SCARB1: variants seen among roughly 807,000 people sequenced by gnomAD.
SCARB1 encodes the protein CD36 and LIMPII analogous 1.
A neutral mutation model predicts 57.2 loss-of-function variants in SCARB1; 30 were observed. That is an observed-to-expected ratio of 0.52 (90% CI 0.39 to 0.71). The LOEUF is 0.71. Ranked by LOEUF, SCARB1 falls within the 30% of genes least tolerant of loss-of-function variation. The probability of loss-of-function intolerance (pLI) is 0.00; values close to 1 mark genes in which losing one functional copy is unlikely to be tolerated. For missense variants in SCARB1, 543 were observed against 671.2 expected (o/e 0.81, Z 2.11); for synonymous variants, 249 against 268.3 (o/e 0.93, Z 0.70).
chr12:124,810,257 C>A lies in SCARB1; in HGVS notation c.759G>T (p.Met253Ile). 2 of 1,614,056 alleles carry A rather than the reference C, an allele frequency of 1.2e-6. No homozygotes were observed. The highest frequency in any genetic ancestry group is 2.2e-5 in the South Asian group (2 of 91,060). ...ACATTTGCCCAGAAGTTCCATTGAT[C>A]ATGTTGCACTGATCGGAATGCCAGA... ...VDFWHSDQCN[M>I]INGTSGQMWP... Residue 253 changes from methionine to isoleucine, a missense_variant, in exon 6 of 13, where the codon ATG becomes ATT. Physicochemically the swap from Met to Ile is conservative, Grantham distance 10. Coordinates refer to ENST00000261693, the MANE Select transcript of SCARB1 (RefSeq NM_005505.5). The surrounding 1 kb of genome is among the most constrained non-coding windows in gnomAD (Gnocchi z 4.0).
chr12:124,808,001 C>A, intron 6 of SCARB1, 74 bp from the exon 7 acceptor site: 1 of 1,464,006 alleles, frequency 6.8e-7, no homozygotes, highest in South Asian at 1.1e-5. Context: ...AAAGGCTGCC[C>A]AGATCCAGCC....
At position 124,778,127 on chromosome 12, in the gene SCARB1, A is replaced by G; in HGVS notation, c.*460T>C. The G allele has an allele frequency of 4.2e-6, 1 of 235,362 alleles. No homozygotes were observed. 14.6% of individuals were successfully genotyped at this position (235,362 alleles called of 1,614,324 possible). ...ACTGAGTCCCCACTGAATTTGGCAC[A>G]GGAAGGCGGCACTCCCAGCCTGGCC... On this transcript the variant is annotated 3_prime_UTR_variant, in exon 13 of 13. Coordinates refer to ENST00000261693, the MANE Select transcript of SCARB1 (RefSeq NM_005505.5).
intron 1 of SCARB1, among the ~76,000 whole-genome samples, chr12:124,824,861 G>T (rs912751898): frequency 3.3e-5 from 5 of 152,230 alleles, no homozygotes; most frequent in African/African-American, 1.2e-4. Context: ...TTCCCAGCAT[G>T]ATGCAACTTA....
chr12:124,844,140 G>A (rs1021005345), intron 1 of SCARB1, among the ~76,000 whole-genome samples: 19 of 152,138 alleles, frequency 1.2e-4, no homozygotes, highest in South Asian at 6.2e-4. Flanking sequence ...AGGTACCCCC[G>A]TCGCTAAGGG....
At chr12:124,859,335 G>A (rs994011931) in intron 1 of SCARB1, among the ~76,000 whole-genome samples, 4 of 152,080 alleles carry the variant, frequency 2.6e-5, no homozygotes, top group South Asian at 2.1e-4. Context: ...AGACCATCCC[G>A]GCTAACACGG....
At chr12:124,782,494 A>G (rs1338759928) in intron 12 of SCARB1, among the ~76,000 whole-genome samples, 189 bp downstream of exon 12, 1 of 152,226 alleles carries the variant, frequency 6.6e-6, no homozygotes, top group Non-Finnish European at 1.5e-5. Context: ...AAAAACTGCT[A>G]TTCACTCAGA....
At chr12:124,860,798 C>T (rs1399443487) in intron 1 of SCARB1, among the ~76,000 whole-genome samples, 4 of 152,156 alleles carry the variant, frequency 2.6e-5, no homozygotes, top group African/African-American at 9.7e-5. Context: ...TATAACCATT[C>T]AAAGGAATAC....
chr12:124,803,706 AAAAAAAAAAT>A (rs1451864184), intron 7 of SCARB1, among the ~76,000 whole-genome samples: 6 of 147,308 alleles, frequency 4.1e-5, no homozygotes, highest in Non-Finnish European at 7.5e-5. Flanking sequence ...AAAAAAAAAA[AAAAAAAAAAT>A]TGAAATAAGA....
chr12:124,805,633 C>T (rs1284710094), intron 7 of SCARB1, among the ~76,000 whole-genome samples: 2 of 151,862 alleles, frequency 1.3e-5, no homozygotes, highest in African/African-American at 4.8e-5. Flanking sequence ...GATCACAGCT[C>T]ACTGCAGCCT....
In SCARB1 at chr12:124,812,560, C is replaced by G. The variant is rs1339813322; in HGVS notation, c.631-595G>C. 6.6e-6 allele frequency among the ~76,000 whole-genome samples: 1 copy of G among 152,242 alleles called. No individual in the cohort carries two copies. Among genetic ancestry groups the G allele is most frequent in the Non-Finnish European group, 1.5e-5 (1 of 68,048 alleles). ...GGGCTGCTTGTCACAGCAGCAAAAC[C>G]TGGCCTGTCCTAACCCATCGAGGTT... is the stretch of plus-strand genomic sequence containing the variant. On this transcript the variant is annotated intron_variant, in intron 4 of 12. Coordinates refer to ENST00000261693, the MANE Select transcript of SCARB1 (RefSeq NM_005505.5). The surrounding 1 kb of genome is among the most constrained non-coding windows in gnomAD (Gnocchi z 4.3).
chr12:124,817,341 A>G lies in SCARB1; in HGVS notation c.284+209T>C, dbSNP rs1950775740. Among the ~76,000 whole-genome samples the G allele has an allele frequency of 7.0e-6, 1 of 142,834 alleles. No individual in the cohort carries two copies. Among genetic ancestry groups the G allele is most frequent in the Non-Finnish European group, 1.5e-5 (1 of 66,260 alleles). 93.7% of individuals were successfully genotyped at this position (142,834 alleles called of 152,430 possible). ...CAAAACCAGCCTGGGCAACATAGCAAGATCCCATCTCTAAAAAAAAAAAAA... is the reference window on the plus strand; with the variant it reads ...CAAAACCAGCCTGGGCAACATAGCAGGATCCCATCTCTAAAAAAAAAAAAA... On this transcript the variant is annotated intron_variant, in intron 2 of 12. Transcript: ENST00000261693. The surrounding 1 kb of genome is among the most constrained non-coding windows in gnomAD (Gnocchi z 4.8).
chr12:124,810,430 G>A lies in SCARB1; in HGVS notation c.727-141C>T. The A allele has an allele frequency of 2.9e-6, 2 of 681,024 alleles. No individual in the cohort carries two copies. Among genetic ancestry groups the A allele is most frequent in the Non-Finnish European group, 5.4e-6 (2 of 372,858 alleles). The allele number at this position is 681,024 out of a possible 1,614,324, so 42.2% of individuals were successfully genotyped here. A position where few individuals can be genotyped will look rare whatever the true frequency, so the allele number is the denominator to read the frequency against. ...TACTGGCACGGTGGGAAGAGGGCAGGCTATGTAGACACACAGAGAGAATGC... is the reference window on the plus strand; with the variant it reads ...TACTGGCACGGTGGGAAGAGGGCAGACTATGTAGACACACAGAGAGAATGC... On this transcript the variant is annotated intron_variant, in intron 5 of 12. Coordinates refer to ENST00000261693, the MANE Select transcript of SCARB1 (RefSeq NM_005505.5). The surrounding 1 kb of genome is among the most constrained non-coding windows in gnomAD (Gnocchi z 4.0).
At chr12:124,793,670 G>A (rs1246952554) in intron 9 of SCARB1, among the ~76,000 whole-genome samples, 3 of 144,236 alleles carry the variant, frequency 2.1e-5, no homozygotes. Flanking sequence ...TCCAGCCTGG[G>A]CGACAGAGCG....
chr12:124,778,940 GT>G (rs1872834276), intron 12 of SCARB1, among the ~76,000 whole-genome samples: 1 of 152,116 alleles, frequency 6.6e-6, no homozygotes, highest in South Asian at 2.1e-4. Flanking sequence ...GAGAACGTAT[GT>G]TTATGTGTTG....
At position 124,827,713 on chromosome 12, in the gene SCARB1, C is replaced by T. The variant is rs185580012; in HGVS notation, c.127-10006G>A. ...TGCACCCACTGCTTCCTCCTAAACA[C>T]GTGGTCAAATCCCTCACCCCTTCGA... On this transcript the variant is annotated intron_variant, in intron 1 of 12. Transcript: ENST00000261693. Among the ~76,000 whole-genome samples, 243 of 152,274 alleles carry T rather than the reference C, an allele frequency of 1.6e-3. 2 individuals carry two copies. The highest frequency in any genetic ancestry group is 3.4e-3 in the Middle Eastern group (1 of 294).
At chr12:124,805,524 T>G (rs1275896887) in intron 7 of SCARB1, among the ~76,000 whole-genome samples, 1 of 152,090 alleles carries the variant, frequency 6.6e-6, no homozygotes, top group African/African-American at 2.4e-5. Context: ...TCACTATGAA[T>G]GCAGACAGAG....
In SCARB1 at chr12:124,812,033, T is replaced by C. The variant is rs975535442; in HGVS notation, c.631-68A>G. 145 of 1,251,070 alleles carry C rather than the reference T, an allele frequency of 1.2e-4. No individual in the cohort carries two copies. The highest frequency in any genetic ancestry group is 1.5e-4 in the Non-Finnish European group (134 of 871,342). The allele number at this position is 1,251,070 out of a possible 1,614,324, so 77.5% of individuals were successfully genotyped here. ...CCATTGAGCCGGCCTGGTCTGAACA[T>C]TCTGGGCTGAGCCCTCCTCCCCCTC... On this transcript the variant is annotated intron_variant, in intron 4 of 12. Transcript: ENST00000261693. The surrounding 1 kb of genome is among the most constrained non-coding windows in gnomAD (Gnocchi z 4.3).
rs189551565 is a variant in SCARB1 at position 124,778,401 on chromosome 12, C to T, written c.*186G>A. The T allele has an allele frequency of 7.7e-5, 97 of 1,253,608 alleles. No individual in the cohort carries two copies. The highest frequency in any genetic ancestry group is 1.3e-4 in the East Asian group (4 of 31,734). 77.7% of individuals were successfully genotyped at this position (1,253,608 alleles called of 1,614,324 possible). A position where few individuals can be genotyped will look rare whatever the true frequency, so the allele number is the denominator to read the frequency against. ...CCCTGAGTGTCTGCACAAGCCTGCA[C>T]GCATGTGTGTATGTGTGCCAGGGCG... On this transcript the variant is annotated 3_prime_UTR_variant, in exon 13 of 13. Coordinates refer to ENST00000261693, the MANE Select transcript of SCARB1 (RefSeq NM_005505.5).
intron 1 of SCARB1, among the ~76,000 whole-genome samples, chr12:124,824,516 T>C (rs1951064478): frequency 6.6e-6 from 1 of 152,260 alleles, no homozygotes; most frequent in African/African-American, 2.4e-5. Flanking sequence ...ATGGTTTTGG[T>C]GAATTTTACG....
Sources: allele counts gnomAD v4.1 joint callset (sites outside exome capture counted in the v4.1 genomes callset), GRCh38; gene constraint gnomAD v4.1.1; non-coding constraint Gnocchi (gnomAD v3.1); transcripts MANE v1.5; gene names NCBI Gene and HGNC (gene_info 2026-07-23, HGNC 2026-07-21).